ZHX2: variants seen among roughly 807,000 people sequenced by gnomAD.
ZHX2 encodes zinc fingers and homeoboxes 2.
ZHX2 carries 6 observed loss-of-function variants against 21.9 expected under a neutral mutation model. The ratio of observed to expected loss-of-function variants is 0.27; its 90% CI spans 0.15 to 0.54. ZHX2 has a LOEUF of 0.54. Ranked by LOEUF, ZHX2 falls within the 20% of genes least tolerant of loss-of-function variation. The pLI is 0.95. For synonymous variants in ZHX2, 434 were observed against 437.1 expected, an observed-to-expected ratio of 0.99 and a Z score of 0.09; for missense variants, 908 against 1,090.7, an observed-to-expected ratio of 0.83 and a Z score of 2.36.
chr8:122,838,108 T>A (rs1818544456), intron 1 of ZHX2, among the ~76,000 whole-genome samples: 1 of 152,244 alleles, frequency 6.6e-6, no homozygotes, highest in Non-Finnish European at 1.5e-5. Context: ...GCCCAGTGGC[T>A]GCACATCTCT....
chr8:122,958,075 AT>A (rs1319406281), intron 3 of ZHX2, among the ~76,000 whole-genome samples: 1 of 152,224 alleles, frequency 6.6e-6, no homozygotes, highest in Non-Finnish European at 1.5e-5. Flanking sequence ...GTGTTATGTG[AT>A]GCACAAGAGG....
chr8:122,900,862 A>G (rs533132430), intron 2 of ZHX2, among the ~76,000 whole-genome samples: 27 of 152,358 alleles, frequency 1.8e-4, no homozygotes, highest in Middle Eastern at 3.4e-3. Flanking sequence ...TGTCTGCCTT[A>G]CAGAGCTTGC....
At chr8:122,863,224 G>A (rs1302253454) in intron 1 of ZHX2, among the ~76,000 whole-genome samples, 1 of 150,002 alleles carries the variant, frequency 6.7e-6, no homozygotes, top group African/African-American at 2.5e-5. Context: ...TAGAAAGCCT[G>A]CTTTTCCACA....
At position 122,878,072 on chromosome 8, in the gene ZHX2, C is replaced by CTG. The variant is rs34978922; in HGVS notation, c.-220+14553_-220+14554dup. 3.9e-3 allele frequency among the ~76,000 whole-genome samples: 594 copies of CTG among 150,726 alleles called. 2 individuals carry two copies. Among genetic ancestry groups the CTG allele is most frequent in the South Asian group, 0.018 (86 of 4,760 alleles). ...TAATATGAGAATGTCGGTAAAAGTT[C>CTG]TGTGTGTGTGTGTGTGTGTGTATAA... On this transcript the variant is annotated intron_variant, in intron 2 of 3. Coordinates refer to ENST00000314393, the MANE Select transcript of ZHX2 (RefSeq NM_014943.5).
rs559026633 is a variant in ZHX2 at position 122,835,267 on chromosome 8, C to G, written c.-282-28210C>G. Among the ~76,000 whole-genome samples, 7 of 152,276 alleles carry G rather than the reference C, an allele frequency of 4.6e-5. 1 individual carries two copies. Among genetic ancestry groups the G allele is most frequent in the Admixed American group, 4.6e-4 (7 of 15,300 alleles). ...TCTGAAGGGGGTATTCTAGCACCGG[C>G]GCTGAAGTAAGGGCGGGGCATGGGC... On this transcript the variant is annotated intron_variant, in intron 1 of 3. Transcript: ENST00000314393.
At position 122,904,370 on chromosome 8, in the gene ZHX2, C is replaced by G. The variant is rs567552961; in HGVS notation, c.-220+40831C>G. The stretch of plus-strand genomic sequence containing the variant: ...CCACCCTCACCACGTTATAGCAAGC[C>G]TCCCCAGTCTCCCCCTTCTTTACAG... On this transcript the variant is annotated intron_variant, in intron 2 of 3. Coordinates refer to ENST00000314393, the MANE Select transcript of ZHX2 (RefSeq NM_014943.5). Among the ~76,000 whole-genome samples, 7 of 152,288 alleles carry G rather than the reference C, an allele frequency of 4.6e-5. No individual in the cohort carries two copies. The South Asian group carries it at 1.4e-3, about 32-fold the overall frequency.
At chr8:122,783,038 T>C (rs2130503667) in intron 1 of ZHX2, among the ~76,000 whole-genome samples, 1 of 152,260 alleles carries the variant, frequency 6.6e-6, no homozygotes, top group Middle Eastern at 3.4e-3. Flanking sequence ...GTAGCTGTGC[T>C]GAGCCTGGGA....
At chr8:122,897,426 A>G (rs972403438) in intron 2 of ZHX2, among the ~76,000 whole-genome samples, 1 of 152,170 alleles carries the variant, frequency 6.6e-6, no homozygotes, top group Non-Finnish European at 1.5e-5. Flanking sequence ...ATCACTGATG[A>G]TTACATTTTT....
chr8:122,832,214 A>G (rs1818392734), intron 1 of ZHX2, among the ~76,000 whole-genome samples: 4 of 152,230 alleles, frequency 2.6e-5, no homozygotes, highest in African/African-American at 2.4e-5. Flanking sequence ...CGAATAGAGC[A>G]TACAGTTGGA....
intron 2 of ZHX2, among the ~76,000 whole-genome samples, chr8:122,906,831 C>G (rs374993205): frequency 6.6e-6 from 1 of 151,724 alleles, no homozygotes; most frequent in African/African-American, 2.4e-5. Flanking sequence ...CCACCACGCC[C>G]GGGTAATTTT....
rs142894115 is a variant in ZHX2, at chr8:122,952,739, T to C, written c.1229T>C (p.Val410Ala). The C allele has an allele frequency of 1.8e-5, 29 of 1,613,998 alleles. No homozygotes were observed. The African/African-American group carries it at 3.9e-4, about 22-fold the overall frequency. ...AACCATGGCCAGAAGAGACCCTTGG[T>C]GACTCCCCAAGCTGCCCCCGAACCC... Reference protein sequence around the residue: ...VTNHGQKRPLVTPQAAPEPKR... With the variant: ...VTNHGQKRPLATPQAAPEPKR... Residue 410 changes from valine (V) to alanine (A), a missense_variant, in exon 3 of 4, where the codon GTG becomes GCG. Coordinates refer to ENST00000314393, the MANE Select transcript of ZHX2 (RefSeq NM_014943.5). The surrounding 1 kb of genome is among the most constrained non-coding windows in gnomAD (Gnocchi z 6.9).
chr8:122,832,020 C>T (rs1307125929), intron 1 of ZHX2, among the ~76,000 whole-genome samples: 2 of 152,114 alleles, frequency 1.3e-5, no homozygotes, highest in Non-Finnish European at 2.9e-5. Context: ...AAGGAGCTGC[C>T]ATTCAAAACC....
intron 2 of ZHX2, among the ~76,000 whole-genome samples, chr8:122,883,835 T>C (rs1399820843): frequency 6.6e-6 from 1 of 152,236 alleles, no homozygotes; most frequent in Non-Finnish European, 1.5e-5. Context: ...ACACCAGGTG[T>C]GGACGGGTTT....
In ZHX2 at chr8:122,973,501, T is replaced by C. The variant is rs1813780480; in HGVS notation, c.*264T>C. 1 of 152,688 alleles carries C rather than the reference T, an allele frequency of 6.5e-6. No individual in the cohort carries two copies. The highest frequency in any genetic ancestry group is 1.5e-5 in the Non-Finnish European group (1 of 68,076). The allele number at this position is 152,688 out of a possible 1,614,324, so 9.5% of individuals were successfully genotyped here. A position where few individuals can be genotyped will look rare whatever the true frequency, so the allele number is the denominator to read the frequency against. ...TTGTACATAGTTTGCTCCTCTGCCCTAGCCCTCACCTCTTGCTATACTGGA... is the reference window on the plus strand; with the variant it reads ...TTGTACATAGTTTGCTCCTCTGCCCCAGCCCTCACCTCTTGCTATACTGGA... On this transcript the variant is annotated 3_prime_UTR_variant, in exon 4 of 4. Coordinates refer to ENST00000314393, the MANE Select transcript of ZHX2 (RefSeq NM_014943.5).
intron 1 of ZHX2, among the ~76,000 whole-genome samples, chr8:122,822,576 A>C (rs13273011): frequency 0.21 from 32,472 of 152,064 alleles, 4,403 homozygotes; most frequent in African/African-American, 0.38. Context: ...TGACTGGTGA[A>C]AAGAAGGTGA....
intron 2 of ZHX2, among the ~76,000 whole-genome samples, chr8:122,895,913 C>T (rs1820088664): frequency 6.6e-6 from 1 of 152,170 alleles, no homozygotes; most frequent in South Asian, 2.1e-4. Context: ...GAGTTTCAAT[C>T]AGCTCACTCT....
Position 122,953,693 on chromosome 8 carries a change from C to G in ZHX2, c.2183C>G (p.Pro728Arg). Residue 728 changes from proline (P) to arginine (R), a missense_variant, in exon 3 of 4, where the codon CCA (proline) becomes CGA (arginine). This residue lies in a region of ZHX2 where 431 missense variants were observed against 428.6 expected (regional missense o/e 1.01). Transcript: ENST00000314393. The surrounding 1 kb of genome is among the most constrained non-coding windows in gnomAD (Gnocchi z 4.6). Reference protein sequence around the residue: ...ESPKNGGDVVPQYYKDPKKLC... With the variant: ...ESPKNGGDVVRQYYKDPKKLC... ...CCAAAGAACGGGGGTGATGTGGTTCCACAATATTACAAGGACCCCAAAAAG... is the reference window on the plus strand; with the variant it reads ...CCAAAGAACGGGGGTGATGTGGTTCGACAATATTACAAGGACCCCAAAAAG... 1 of 1,614,216 alleles carries G rather than the reference C, an allele frequency of 6.2e-7. No homozygotes were observed. Among genetic ancestry groups the G allele is most frequent in the Non-Finnish European group, 8.5e-7 (1 of 1,180,044 alleles).
chr8:122,803,650 C>G (rs1429438044), intron 1 of ZHX2, among the ~76,000 whole-genome samples: 2 of 152,236 alleles, frequency 1.3e-5, no homozygotes, highest in Non-Finnish European at 2.9e-5. Context: ...TCCTCTTCCC[C>G]CATGGAGAAC....
chr8:122,908,528 T>C (rs1820399785), intron 2 of ZHX2, among the ~76,000 whole-genome samples: 1 of 152,150 alleles, frequency 6.6e-6, no homozygotes, highest in East Asian at 1.9e-4. Context: ...TTGTTTTACA[T>C]GGACCACGGT....
Sources: allele counts gnomAD v4.1 joint callset (sites outside exome capture counted in the v4.1 genomes callset), GRCh38; gene constraint gnomAD v4.1.1; regional missense constraint gnomAD v4.1.1; non-coding constraint Gnocchi (gnomAD v3.1); transcripts MANE v1.5; gene names NCBI Gene and HGNC (gene_info 2026-07-23, HGNC 2026-07-21).